The following SKIDA1 variants were observed in gnomAD, a reference collection of about 807,000 sequenced individuals.
The protein encoded by SKIDA1 is SKI/DACH domain containing 1.
A neutral mutation model predicts 51.4 loss-of-function variants in SKIDA1; 18 were observed. That is an observed-to-expected ratio of 0.35 (90% confidence interval 0.24 to 0.52). The LOEUF is 0.52. Ranked by LOEUF, SKIDA1 falls within the 20% of genes least tolerant of loss-of-function variation. SKIDA1 has a pLI of 0.95. For missense variants in SKIDA1, 1,104 were observed against 1,180.6 expected (o/e 0.94, Z 0.95); for synonymous variants, 579 against 500.5 (o/e 1.16, Z -2.09).
In SKIDA1 at chr10:21,517,652, G is replaced by A. The variant is rs2032285041; in HGVS notation, c.171C>T (p.His57=). The A allele has an allele frequency of 9.3e-6, 15 of 1,613,900 alleles. No individual in the cohort carries two copies. The highest frequency in any genetic ancestry group is 1.1e-5 in the Non-Finnish European group (13 of 1,179,904). The change falls in exon 4 of 4, where the codon CAC becomes CAT. Residue 57 remains histidine (H), a synonymous_variant. Coordinates refer to ENST00000449193, the MANE Select transcript of SKIDA1 (RefSeq NM_207371.4). The surrounding 1 kb of genome is among the most constrained non-coding windows in gnomAD (Gnocchi z 6.9). Reference sequence around the variant, plus strand: ...TCCGCAACTCCTCCAGATCGCAGTGGTGCTTCTTCACTTTCAGATGATCCA... The same window carrying A: ...TCCGCAACTCCTCCAGATCGCAGTGATGCTTCTTCACTTTCAGATGATCCA... ...KRMDHLKVKK[H]HCDLEELRKL...
In SKIDA1 at chr10:21,516,896, C is replaced by A. The variant is rs1475196021; in HGVS notation, c.927G>T (p.Ala309=). The A allele has an allele frequency of 8.8e-6, 10 of 1,140,282 alleles. No homozygotes were observed. Among genetic ancestry groups the A allele is most frequent in the East Asian group, 4.6e-5 (1 of 21,974 alleles). 70.6% of individuals were successfully genotyped at this position (1,140,282 alleles called of 1,614,324 possible). Residue 309 remains alanine (A), a synonymous_variant, in exon 4 of 4, where the codon GCG becomes GCT. Transcript: ENST00000449193. This position sits in a 1 kb window ranked among gnomAD's most constrained non-coding sequence, Gnocchi z 5.7. ...YKAKAAAAAA[A]AAAAAAAAAG... is the part of the protein sequence containing the mutation. ...CGGCGGCCGCCGCCGCCGCTGCCGC[C>A]GCCGCCGCCGCCGCCGCCGCCTTGG... is the stretch of plus-strand genomic sequence containing the variant.
chr10:21,515,248 C>T lies in SKIDA1; in HGVS notation c.2575G>A (p.Gly859Arg). The part of the protein sequence containing the change: ...NFPCPPSLII[G>R]RDGDLWPAYS... ...GCCGGCCACAAATCCCCATCTCTCC[C>T]AATAATGAGTGATGGTGGACAAGGA... The change falls in exon 4 of 4, where the codon GGG (glycine) becomes AGG (arginine). Residue 859 changes from glycine (G) to arginine (R), a missense_variant. Around this residue, in one of 3 missense-constraint regions of SKIDA1, gnomAD observed 112 missense variants for 168.3 expected, o/e 0.67. Coordinates refer to ENST00000449193, the MANE Select transcript of SKIDA1 (RefSeq NM_207371.4). 6.2e-7 allele frequency: 1 copy of T among 1,613,976 alleles called. No individual in the cohort carries two copies. Among genetic ancestry groups the T allele is most frequent in the Non-Finnish European group, 8.5e-7 (1 of 1,179,884 alleles).
rs987788585 is a variant in SKIDA1, at chr10:21,517,631, C to T, written c.192G>A (p.Leu64=). ...TGCTGTTAATTGCCTTGAGTTTCCG[C>T]AACTCCTCCAGATCGCAGTGGTGCT... The part of the protein sequence containing the change: ...VKKHHCDLEE[L]RKLKAINSIA... The change falls in exon 4 of 4, where the codon TTG becomes TTA. Residue 64 remains leucine (L), a synonymous_variant. Coordinates refer to ENST00000449193, the MANE Select transcript of SKIDA1 (RefSeq NM_207371.4). This position sits in a 1 kb window ranked among gnomAD's most constrained non-coding sequence, Gnocchi z 6.9. 3 of 1,613,974 alleles carry T rather than the reference C, an allele frequency of 1.9e-6. No homozygotes were observed. In the African/African-American group the frequency reaches 4.0e-5, roughly 22 times the overall value.
rs1763595215 is a variant in SKIDA1, at chr10:21,515,322, C to T, written c.2501G>A (p.Ser834Asn). 2 of 1,614,040 alleles carry T rather than the reference C, an allele frequency of 1.2e-6. No homozygotes were observed. The highest frequency in any genetic ancestry group is 8.5e-7 in the Non-Finnish European group (1 of 1,179,900). The change falls in exon 4 of 4, where the codon AGC becomes AAC. Residue 834 changes from serine (S) to asparagine (N), a missense_variant. Coordinates refer to ENST00000449193, the MANE Select transcript of SKIDA1 (RefSeq NM_207371.4). ...CCTTTTCACTGCTGATGCTACATTG[C>T]TGGCTACCTTTTTGCGTCTGTTTAT... ...TVINRRKKVA[S>N]NVASAVKRPF... is the part of the protein sequence containing the mutation.
chr10:21,524,373 A>AT (rs892022686), intron 1 of SKIDA1, among the ~76,000 whole-genome samples: 2 of 151,866 alleles, frequency 1.3e-5, no homozygotes, highest in South Asian at 2.1e-4. Context: ...ACTTAAAAAA[A>AT]TTTTTTTTTC....
chr10:21,516,572 C>G lies in SKIDA1; in HGVS notation c.1251G>C (p.Glu417Asp). ...CCTCTTCCTCCTCCTCCTCCTCTCC[C>G]TCCTCCTCCTCTTCCTCTGAGGACA... ...NSVSSEEEEE[E>D]GEEEEEEEEE... The change falls in exon 4 of 4, where the codon GAG becomes GAC. Residue 417 changes from glutamate (E) to aspartate (D), a missense_variant. Glu to Asp is a conservative substitution (Grantham distance 45). Coordinates refer to ENST00000449193, the MANE Select transcript of SKIDA1 (RefSeq NM_207371.4). This position sits in a 1 kb window ranked among gnomAD's most constrained non-coding sequence, Gnocchi z 5.7. 1.4e-6 allele frequency: 2 copies of G among 1,453,854 alleles called. No individual in the cohort carries two copies. The highest frequency in any genetic ancestry group is 1.9e-6 in the Non-Finnish European group (2 of 1,074,860). The allele number at this position is 1,453,854 out of a possible 1,614,324, so 90.1% of individuals were successfully genotyped here. A position where few individuals can be genotyped will look rare whatever the true frequency, so the allele number is the denominator to read the frequency against.
Position 21,514,202 on chromosome 10 carries a change from G to GA in SKIDA1, c.*893dup, listed in dbSNP as rs891345179. The stretch of plus-strand genomic sequence containing the variant: ...TGCACTCCAGCCTGGGCGACACAGC[G>GA]AGACTCTCTCCAAAAAAAAAAAAAA... On this transcript the variant is annotated 3_prime_UTR_variant, in exon 4 of 4. Transcript: ENST00000449193. The GA allele has an allele frequency of 2.5e-5, 3 of 120,400 alleles. No homozygotes were observed. Among genetic ancestry groups the GA allele is most frequent in the African/African-American group, 9.7e-5 (3 of 30,978 alleles). The allele number at this position is 120,400 out of a possible 1,614,324, so 7.5% of individuals were successfully genotyped here.
chr10:21,520,412 A>G (rs2032358146), intron 3 of SKIDA1, among the ~76,000 whole-genome samples: 1 of 152,082 alleles, frequency 6.6e-6, no homozygotes. Flanking sequence ...CAGCAACAAT[A>G]ATGTCGTTTT....
chr10:21,525,110 A>C (rs2032645591), intron 1 of SKIDA1, among the ~76,000 whole-genome samples: 1 of 152,252 alleles, frequency 6.6e-6, no homozygotes, highest in African/African-American at 2.4e-5. Context: ...TTTCGAACTC[A>C]GTCATTTAAA....
At position 21,518,014 on chromosome 10, in the gene SKIDA1, C is replaced by A. The variant is rs2032295250; in HGVS notation, c.-192G>T. On this transcript the variant is annotated 5_prime_UTR_variant, in exon 4 of 4. Coordinates refer to ENST00000449193, the MANE Select transcript of SKIDA1 (RefSeq NM_207371.4). ...GCGAAATTATTGGGGGGGGGGAAAC[C>A]CCATGAAATTACACTGACTTGATTC... 2 of 563,576 alleles carry A rather than the reference C, an allele frequency of 3.5e-6. No homozygotes were observed. The highest frequency in any genetic ancestry group is 3.1e-5 in the East Asian group (1 of 32,668). The allele number at this position is 563,576 out of a possible 1,614,324, so 34.9% of individuals were successfully genotyped here.
At position 21,517,339 on chromosome 10, in the gene SKIDA1, C is replaced by T. The variant is rs1409253652; in HGVS notation, c.484G>A (p.Ala162Thr). ...GGTAGATGGGCGGCGGGGCGCGCGG[C>T]GGCGGCGCCCGGGCGCTGGGACTGC... is the stretch of plus-strand genomic sequence containing the variant. ...SAQSQRPGAAAARPAAHLPQI... is the reference protein window; with the variant it reads ...SAQSQRPGAATARPAAHLPQI... The change falls in exon 4 of 4, where the codon GCC (alanine) becomes ACC (threonine). Residue 162 changes from alanine to threonine, a missense_variant. This residue lies in a region of SKIDA1 where 938 missense variants were observed against 886.4 expected (regional missense o/e 1.06). Coordinates refer to ENST00000449193, the MANE Select transcript of SKIDA1 (RefSeq NM_207371.4). The surrounding 1 kb of genome is among the most constrained non-coding windows in gnomAD (Gnocchi z 6.9). 13 of 1,421,140 alleles carry T rather than the reference C, an allele frequency of 9.1e-6. No homozygotes were observed. The East Asian group carries it at 2.2e-4, about 24-fold the overall frequency. 88.0% of individuals were successfully genotyped at this position (1,421,140 alleles called of 1,614,324 possible). A position where few individuals can be genotyped will look rare whatever the true frequency, so the allele number is the denominator to read the frequency against.
intron 3 of SKIDA1, 21 bp downstream of exon 3, chr10:21,521,368 G>A (rs2032390697): frequency 6.6e-6 from 1 of 152,606 alleles, no homozygotes; most frequent in Admixed American, 6.6e-5. Context: ...TATGCTTAAA[G>A]TTATGCAATA....
chr10:21,525,274 T>C (rs575264739), intron 1 of SKIDA1, among the ~76,000 whole-genome samples: 7 of 152,332 alleles, frequency 4.6e-5, no homozygotes, highest in African/African-American at 1.7e-4. Flanking sequence ...ACGTTACTGT[T>C]TGCTAATAGA....
At position 21,517,956 on chromosome 10, in the gene SKIDA1, G is replaced by T; in HGVS notation, c.-134C>A. 1 of 806,696 alleles carries T rather than the reference G, an allele frequency of 1.2e-6. No individual in the cohort carries two copies. The highest frequency in any genetic ancestry group is 1.8e-6 in the Non-Finnish European group (1 of 560,444). 50.0% of individuals were successfully genotyped at this position (806,696 alleles called of 1,614,324 possible). A position where few individuals can be genotyped will look rare whatever the true frequency, so the allele number is the denominator to read the frequency against. On this transcript the variant is annotated 5_prime_UTR_variant, in exon 4 of 4. Coordinates refer to ENST00000449193, the MANE Select transcript of SKIDA1 (RefSeq NM_207371.4). The surrounding 1 kb of genome is among the most constrained non-coding windows in gnomAD (Gnocchi z 6.9). ...TCCTGCTAATAAAATAACAAAGACT[G>T]TTATTCCCGGCGAAGGAAGTGCCAA...
intron 3 of SKIDA1, among the ~76,000 whole-genome samples, chr10:21,520,895 G>A (rs2131275120): frequency 6.6e-6 from 1 of 152,186 alleles, no homozygotes; most frequent in Non-Finnish European, 1.5e-5. Context: ...CTTTGTGCAA[G>A]TATCTCTATA....
rs1265491012 is a variant in SKIDA1, at chr10:21,516,809, G to A, written c.1014C>T (p.His338=). Residue 338 remains histidine (H), a synonymous_variant, in exon 4 of 4, where the codon CAC becomes CAT. Transcript: ENST00000449193. The surrounding 1 kb of genome is among the most constrained non-coding windows in gnomAD (Gnocchi z 5.7). ...LVNGFCPPPH[H]HHHHHHHHHH... ...GGTGGTGATGGTGGTGGTGGTGGTG[G>A]TGGTGCGGAGGCGGGCAGAAGCCGT... is the stretch of plus-strand genomic sequence containing the variant. 1 of 1,542,404 alleles carries A rather than the reference G, an allele frequency of 6.5e-7. No homozygotes were observed. Among genetic ancestry groups the A allele is most frequent in the Admixed American group, 2.0e-5 (1 of 50,870 alleles).
chr10:21,522,899 G>A (rs2032453282), intron 2 of SKIDA1, among the ~76,000 whole-genome samples: 2 of 152,128 alleles, frequency 1.3e-5, no homozygotes, highest in South Asian at 4.1e-4. Context: ...ATCCTTGGAG[G>A]TAAAGGGGTT....
chr10:21,517,567 C>G lies in SKIDA1; in HGVS notation c.256G>C (p.Glu86Gln). Reference sequence around the variant, plus strand: ...GAGGTGTAGAGCGCTTCCACGTCTTCCCGGGAGATGAGCGTGCATTTGGCG... The same window carrying G: ...GAGGTGTAGAGCGCTTCCACGTCTTGCCGGGAGATGAGCGTGCATTTGGCG... ...HAAKCTLISREDVEALYTSCK... is the reference protein window; with the variant it reads ...HAAKCTLISRQDVEALYTSCK... The change falls in exon 4 of 4, where the codon GAA becomes CAA. Residue 86 changes from glutamate to glutamine, a missense_variant. Physicochemically the swap from Glu to Gln is conservative, Grantham distance 29. This residue lies in a region of SKIDA1 where 54 missense variants were observed against 126.0 expected (regional missense o/e 0.43). Coordinates refer to ENST00000449193, the MANE Select transcript of SKIDA1 (RefSeq NM_207371.4). This position sits in a 1 kb window ranked among gnomAD's most constrained non-coding sequence, Gnocchi z 6.9. 1 of 1,610,364 alleles carries G rather than the reference C, an allele frequency of 6.2e-7. No homozygotes were observed. The highest frequency in any genetic ancestry group is 8.5e-7 in the Non-Finnish European group (1 of 1,178,326).
Position 21,516,041 on chromosome 10 carries a change from T to A in SKIDA1, c.1782A>T (p.Ile594=). 1 of 1,613,968 alleles carries A rather than the reference T, an allele frequency of 6.2e-7. No homozygotes were observed. The highest frequency in any genetic ancestry group is 8.5e-7 in the Non-Finnish European group (1 of 1,179,876). ...GTAGGCATTTCCTAGCCTCTCGGAG[T>A]ATTCTTTGTTGTGGAAATGCATTGT... ...KTNNAFPQQR[I]LREARKCLQT... The change falls in exon 4 of 4, where the codon ATA becomes ATT. Residue 594 remains isoleucine (I), a synonymous_variant. Coordinates refer to ENST00000449193, the MANE Select transcript of SKIDA1 (RefSeq NM_207371.4). The surrounding 1 kb of genome is among the most constrained non-coding windows in gnomAD (Gnocchi z 5.7).
Sources: allele counts gnomAD v4.1 joint callset (sites outside exome capture counted in the v4.1 genomes callset), GRCh38; gene constraint gnomAD v4.1.1; regional missense constraint gnomAD v4.1.1; non-coding constraint Gnocchi (gnomAD v3.1); transcripts MANE v1.5; gene names NCBI Gene and HGNC (gene_info 2026-07-23, HGNC 2026-07-21).